OSMR: variants seen among roughly 807,000 people sequenced by gnomAD.
The protein encoded by OSMR is oncostatin-M-specific receptor subunit beta.
Under a neutral mutation model 99.9 loss-of-function variants are expected in OSMR, and 81 were observed. That is an observed-to-expected ratio of 0.81 (90% confidence interval 0.68 to 0.97). The LOEUF is 0.97. OSMR is among the 50% of genes least tolerant of loss of function. The pLI is 0.00. For missense variants in OSMR, 1,099 were observed against 1,153.4 expected (o/e 0.95, Z 0.68); for synonymous variants, 406 against 410.4 (o/e 0.99, Z 0.13).
In OSMR at chr5:38,883,679, G is replaced by A. The variant is rs987294136; in HGVS notation, c.419-148G>A. 1.0e-5 allele frequency: 16 copies of A among 1,524,250 alleles called. No homozygotes were observed. In the African/African-American group the frequency reaches 1.1e-4, roughly 11 times the overall value. The allele number at this position is 1,524,250 out of a possible 1,614,324, so 94.4% of individuals were successfully genotyped here. On this transcript the variant is annotated intron_variant, in intron 4 of 17. Coordinates refer to ENST00000274276, the MANE Select transcript of OSMR (RefSeq NM_003999.3). Reference sequence around the variant, plus strand: ...AGGATTGTCTTGCATGCACCAGAGGGTAGAGGTTTGGCAGAGAAATTTAGG... The same window carrying A: ...AGGATTGTCTTGCATGCACCAGAGGATAGAGGTTTGGCAGAGAAATTTAGG...
chr5:38,915,910 G>A (rs1316510325), intron 9 of OSMR, among the ~76,000 whole-genome samples: 1 of 152,192 alleles, frequency 6.6e-6, no homozygotes, highest in African/African-American at 2.4e-5. Flanking sequence ...ATACCTGTGA[G>A]TCCCTTTCTT....
In OSMR at chr5:38,923,143, T is replaced by C. The variant is rs1208111370; in HGVS notation, c.1766-7T>C. ...TTATTAAAAATCTGTTGACTTTTTT[T>C]CCCTAGATGCTTTTAGGCCAGGAGT... On this transcript the variant is annotated splice_polypyrimidine_tract_variant and splice_region_variant and intron_variant, in intron 12 of 17. Transcript: ENST00000274276. The C allele has an allele frequency of 1.2e-6, 2 of 1,612,622 alleles. No homozygotes were observed. The highest frequency in any genetic ancestry group is 1.3e-5 in the African/African-American group (1 of 74,924).
Position 38,924,299 on chromosome 5 carries a change from C to T in OSMR, c.1871-123C>T, listed in dbSNP as rs1746368859. 4 of 1,546,202 alleles carry T rather than the reference C, an allele frequency of 2.6e-6. No homozygotes were observed. In the African/African-American group the frequency reaches 5.5e-5, roughly 21 times the overall value. On this transcript the variant is annotated intron_variant, in intron 13 of 17. Transcript: ENST00000274276. ...TCCTCTAGAGAAACAGATAAAACTC[C>T]TTAACTTGGCATAAGCTGTTACAAC...
chr5:38,896,828 C>T (rs1561378923), intron 7 of OSMR, among the ~76,000 whole-genome samples: 1 of 151,740 alleles, frequency 6.6e-6, no homozygotes, highest in African/African-American at 2.4e-5. Flanking sequence ...TCCTTCTATA[C>T]CCGTTTTTTT....
At position 38,862,765 on chromosome 5, in the gene OSMR, G is replaced by A. The variant is rs566845648; in HGVS notation, c.-13-6267G>A. ...CTCCTCACTTCCCAGACGGGGTGGCGGCCGGGCAGAGGCTGCAATCTCGGC... is the reference window on the plus strand; with the variant it reads ...CTCCTCACTTCCCAGACGGGGTGGCAGCCGGGCAGAGGCTGCAATCTCGGC... On this transcript the variant is annotated intron_variant, in intron 1 of 17. Transcript: ENST00000274276. Among the ~76,000 whole-genome samples, 85 of 151,868 alleles carry A rather than the reference G, an allele frequency of 5.6e-4. 1 individual carries two copies. Among genetic ancestry groups the A allele is most frequent in the African/African-American group, 1.7e-3 (69 of 41,390 alleles).
chr5:38,902,723 C>T (rs1369403999), intron 7 of OSMR, among the ~76,000 whole-genome samples: 1 of 152,142 alleles, frequency 6.6e-6, no homozygotes, highest in African/African-American at 2.4e-5. Context: ...CTATGTGTGT[C>T]CTTTGGATCT....
chr5:38,928,840 G>A (rs940719482), intron 15 of OSMR, among the ~76,000 whole-genome samples: 3 of 152,118 alleles, frequency 2.0e-5, no homozygotes, highest in African/African-American at 7.2e-5. Context: ...GCATGTTGGA[G>A]TTAATTTTAA....
chr5:38,936,612 C>T (rs1294111968), downstream of OSMR, among the ~76,000 whole-genome samples: 4 of 152,170 alleles, frequency 2.6e-5, no homozygotes, highest in African/African-American at 9.7e-5. Context: ...TGATGAAGAA[C>T]GTCAAGACTT....
At chr5:38,848,526 G>T (rs1740069540) in intron 1 of OSMR, among the ~76,000 whole-genome samples, 1 of 152,142 alleles carries the variant, frequency 6.6e-6, no homozygotes, top group African/African-American at 2.4e-5. Flanking sequence ...ATATAGAAGT[G>T]AAGTGAAATG....
intron 2 of OSMR, 97 bp from the exon 3 acceptor site, chr5:38,876,104 A>G (rs1037448583): frequency 5.9e-6 from 9 of 1,532,992 alleles, no homozygotes; most frequent in African/African-American, 2.8e-5. Context: ...AATATTTTCC[A>G]GAGCTAAATA....
At chr5:38,847,061 T>C (rs773445259) in intron 1 of OSMR, among the ~76,000 whole-genome samples, 1 of 152,114 alleles carries the variant, frequency 6.6e-6, no homozygotes, top group African/African-American at 2.4e-5. Flanking sequence ...TGAAAACACT[T>C]TGGGAACAAG....
At chr5:38,922,812 G>GT (rs1220794634) in intron 12 of OSMR, among the ~76,000 whole-genome samples, 1 of 152,180 alleles carries the variant, frequency 6.6e-6, no homozygotes, top group Non-Finnish European at 1.5e-5. Flanking sequence ...CTGTTGCTGT[G>GT]TTACCCAGGC....
intron 12 of OSMR, among the ~76,000 whole-genome samples, chr5:38,922,171 A>G (rs886728697): frequency 6.6e-6 from 1 of 152,172 alleles, no homozygotes; most frequent in East Asian, 1.9e-4. Flanking sequence ...TCGATCATCA[A>G]CTTCAGTTTC....
chr5:38,856,053 C>T (rs927686666), intron 1 of OSMR, among the ~76,000 whole-genome samples: 1 of 152,194 alleles, frequency 6.6e-6, no homozygotes, highest in Non-Finnish European at 1.5e-5. Flanking sequence ...TTTTCTCCCT[C>T]ACCTCTGGGC....
chr5:38,855,161 A>G (rs1255481192), intron 1 of OSMR, among the ~76,000 whole-genome samples: 2 of 152,154 alleles, frequency 1.3e-5, no homozygotes, highest in Non-Finnish European at 2.9e-5. Context: ...GCCTGGCCCA[A>G]TCTTGGATTT....
In OSMR at chr5:38,865,753, T is replaced by TGCGGTGGTAG. The variant is rs576418777; in HGVS notation, c.-13-3277_-13-3276insGGTGGTAGGC. On this transcript the variant is annotated intron_variant, in intron 1 of 17. Coordinates refer to ENST00000274276, the MANE Select transcript of OSMR (RefSeq NM_003999.3). ...TGGGCCTCCATGTGGCTTGCTTGGG[T>TGCGGTGGTAG]GCCAGCAGTGGCAGTGGTAGGCCAG... 2.5e-3 allele frequency among the ~76,000 whole-genome samples: 387 copies of TGCGGTGGTAG among 152,328 alleles called. 3 individuals are homozygous for TGCGGTGGTAG. Among genetic ancestry groups the TGCGGTGGTAG allele is most frequent in the African/African-American group, 8.9e-3 (370 of 41,594 alleles).
At position 38,932,929 on chromosome 5, in the gene OSMR, G is replaced by C. The variant is rs775450958; in HGVS notation, c.2425G>C (p.Val809Leu). 2 of 1,614,040 alleles carry C rather than the reference G, an allele frequency of 1.2e-6. No homozygotes were observed. The highest frequency in any genetic ancestry group is 2.2e-5 in the South Asian group (2 of 91,084). ...VSDCIPDAIE[V>L]VSKPEGTKIQ... is the part of the protein sequence containing the mutation. ...TGACTGTATCCCAGATGCTATTGAA[G>C]TTGTAAGCAAGCCAGAAGGGACAAA... is the stretch of plus-strand genomic sequence containing the variant. Residue 809 changes from valine (V) to leucine (L), a missense_variant, in exon 18 of 18, where the codon GTT becomes CTT. Val to Leu is a conservative substitution (Grantham distance 32). Transcript: ENST00000274276.
intron 7 of OSMR, among the ~76,000 whole-genome samples, chr5:38,893,413 G>T (rs1173221785): frequency 6.6e-6 from 1 of 152,112 alleles, no homozygotes; most frequent in Non-Finnish European, 1.5e-5. Context: ...CCAAGACAAA[G>T]TTGAAAATCA....
At chr5:38,873,377 G>T (rs984353244) in intron 2 of OSMR, among the ~76,000 whole-genome samples, 2 of 152,184 alleles carry the variant, frequency 1.3e-5, no homozygotes, top group African/African-American at 2.4e-5. Flanking sequence ...TGGCTATTGT[G>T]AATAACGCTG....
Sources: gnomAD v4.1 joint callset for allele counts (sites outside exome capture counted in the v4.1 genomes callset) on GRCh38, gnomAD v4.1.1 for gene constraint, MANE v1.5 for transcripts, NCBI Gene and HGNC (gene_info 2026-07-23, HGNC 2026-07-21) for gene names.